ZNF665: variants seen among roughly 807,000 people sequenced by gnomAD.
The protein encoded by ZNF665 is zinc finger protein 665.
ZNF665 carries 6 observed loss-of-function variants against 7.9 expected under a neutral mutation model. The observed-to-expected ratio is 0.76, with a 90% CI of 0.42 to 1.50. The LOEUF (loss-of-function observed/expected upper bound fraction) is 1.50. ZNF665 is among the 40% of genes most tolerant of loss of function. The pLI is 0.01. For missense variants in ZNF665, 819 were observed against 806.7 expected (o/e 1.02, Z -0.18); for synonymous variants, 242 against 274.5 (o/e 0.88, Z 1.17).
rs1427356869 is a variant in ZNF665 at position 53,173,381 on chromosome 19, T to C, written c.142+2064A>G. On this transcript the variant is annotated intron_variant, in intron 3 of 3. Transcript: ENST00000396424. ...CATTTTTTTTTTCACTCTTTTTTTT[T>C]TTTTTTTTTTTTGAGATGGAGTCTC... Among the ~76,000 whole-genome samples, 3 of 141,718 alleles carry C rather than the reference T, an allele frequency of 2.1e-5. No homozygotes were observed. The East Asian group carries it at 6.2e-4, about 29-fold the overall frequency. 93.0% of individuals were successfully genotyped at this position (141,718 alleles called of 152,430 possible).
intron 3 of ZNF665, among the ~76,000 whole-genome samples, chr19:53,171,524 A>ATATATATATATATTTTTTTTTTT (rs372855271): frequency 1.4e-5 from 1 of 69,318 alleles, no homozygotes; most frequent in African/African-American, 5.2e-5. Flanking sequence ...ATATATATAT[A>ATATATATATATATTTTTTTTTTT]TTTTTTTTTT....
chr19:53,180,533 A>G (rs2090730510), intron 2 of ZNF665: 1 of 152,216 alleles, frequency 6.6e-6, no homozygotes, highest in African/African-American at 2.4e-5. Flanking sequence ...AAATGATGGT[A>G]TGTCTTTTAT....
Position 53,164,384 on chromosome 19 carries a change from C to CT in ZNF665, c.*68_*69insA. On this transcript the variant is annotated 3_prime_UTR_variant, in exon 4 of 4. Transcript: ENST00000396424. ...AACTCGAGACCTCAGGTGATCCCCCCGCCTCGGCCTCCCAAAGTGCTGGGA... is the reference window on the plus strand; with the variant it reads ...AACTCGAGACCTCAGGTGATCCCCCCTGCCTCGGCCTCCCAAAGTGCTGGGA... 1 of 1,282,636 alleles carries CT rather than the reference C, an allele frequency of 7.8e-7. No individual in the cohort carries two copies. The highest frequency in any genetic ancestry group is 1.1e-6 in the Non-Finnish European group (1 of 951,850). 79.5% of individuals were successfully genotyped at this position (1,282,636 alleles called of 1,614,324 possible).
rs1327749411 is a variant in ZNF665 at position 53,165,365 on chromosome 19, C to G, written c.1125G>C (p.Lys375Asn). Reference protein sequence around the residue: ...RRIHTGEKPYKCNECGKAFSM... With the variant: ...RRIHTGEKPYNCNECGKAFSM... ...TGAAGGCTTTCCCACACTCATTACA[C>G]TTGTAAGGTTTCTCACCAGTATGAA... The change falls in exon 4 of 4, where the codon AAG becomes AAC. Residue 375 changes from lysine (K) to asparagine (N), a missense_variant. Transcript: ENST00000396424. The G allele has an allele frequency of 6.2e-7, 1 of 1,614,056 alleles. No homozygotes were observed. Among genetic ancestry groups the G allele is most frequent in the African/African-American group, 1.3e-5 (1 of 74,938 alleles).
rs1036329667 is a variant in ZNF665 at position 53,165,768 on chromosome 19, T to A, written c.722A>T (p.Lys241Met). Residue 241 changes from lysine (K) to methionine (M), a missense_variant, in exon 4 of 4, where the codon AAG becomes ATG. By Grantham distance (95) the Lys-to-Met change is moderately conservative. Coordinates refer to ENST00000396424, the MANE Select transcript of ZNF665 (RefSeq NM_024733.5). Reference sequence around the variant, plus strand: ...AAGGTTTGAAGGTTGACTGAAGACCTTTCCACATTCATTACATTTGTAAGG... The same window carrying A: ...AAGGTTTGAAGGTTGACTGAAGACCATTCCACATTCATTACATTTGTAAGG... ...EKPYKCNECG[K>M]VFSQPSNLAG... is the part of the protein sequence containing the mutation. The A allele has an allele frequency of 1.9e-6, 3 of 1,614,182 alleles. No homozygotes were observed. The highest frequency in any genetic ancestry group is 1.7e-6 in the Non-Finnish European group (2 of 1,180,028).
chr19:53,183,128 T>G (rs939499862), intron 1 of ZNF665, among the ~76,000 whole-genome samples, 185 bp from the exon 2 acceptor site: 14 of 152,128 alleles, frequency 9.2e-5, no homozygotes, highest in African/African-American at 3.4e-4. Context: ...GAGAAACTCC[T>G]ACAGGAAAAA....
At chr19:53,166,489 A>G (rs779222707) in intron 3 of ZNF665, 142 bp from the exon 4 acceptor site, 2 of 739,712 alleles carry the variant, frequency 2.7e-6, no homozygotes, top group Non-Finnish European at 4.1e-6. Context: ...ATTTTCCAGA[A>G]CACAAAAGGA....
rs548224815 is a variant in ZNF665 at position 53,180,262 on chromosome 19, G to A, written c.15+2622C>T. On this transcript the variant is annotated intron_variant, in intron 2 of 3. Coordinates refer to ENST00000396424, the MANE Select transcript of ZNF665 (RefSeq NM_024733.5). Reference sequence around the variant, plus strand: ...AGCCTGGCTAACATGGTAAAACCCCGTCTCTACTAAAAATACAAAAATTAG... The same window carrying A: ...AGCCTGGCTAACATGGTAAAACCCCATCTCTACTAAAAATACAAAAATTAG... Among the ~76,000 whole-genome samples, 14 of 151,952 alleles carry A rather than the reference G, an allele frequency of 9.2e-5. No homozygotes were observed. The South Asian group carries it at 2.9e-3, about 32-fold the overall frequency.
chr19:53,175,649 C>T, intron 2 of ZNF665, 78 bp from the exon 3 acceptor site: 2 of 1,505,686 alleles, frequency 1.3e-6, no homozygotes, highest in East Asian at 4.7e-5. Context: ...GAGGAGAGAG[C>T]TGTAAGAATA....
intron 3 of ZNF665, among the ~76,000 whole-genome samples, chr19:53,171,427 A>G (rs1310370022): frequency 1.3e-5 from 2 of 149,088 alleles, no homozygotes; most frequent in Admixed American, 6.7e-5. Context: ...ATGAAATTGT[A>G]TGGCAGTACA....
intron 1 of ZNF665, among the ~76,000 whole-genome samples, chr19:53,192,660 C>T (rs376620191): frequency 2.0e-5 from 3 of 152,190 alleles, no homozygotes; most frequent in Admixed American, 6.5e-5. Flanking sequence ...TCCTGATCCC[C>T]TTGGCCCACA....
At chr19:53,167,460 C>T (rs1599871570) in intron 3 of ZNF665, among the ~76,000 whole-genome samples, 1 of 149,692 alleles carries the variant, frequency 6.7e-6, no homozygotes, top group South Asian at 2.1e-4. Context: ...CAATTTCTCT[C>T]TCTTTTTTTT....
chr19:53,168,784 T>C (rs4803055), intron 3 of ZNF665, among the ~76,000 whole-genome samples: 77,055 of 152,018 alleles, frequency 0.51, 23,148 homozygotes, highest in South Asian at 0.72. Flanking sequence ...AATACTGAAA[T>C]AGACTCACGT....
At chr19:53,184,273 A>G (rs2090760481) in intron 1 of ZNF665, among the ~76,000 whole-genome samples, 1 of 152,134 alleles carries the variant, frequency 6.6e-6, no homozygotes, top group Admixed American at 6.5e-5. Flanking sequence ...AGAAGAAATA[A>G]TAAATAATTT....
intron 3 of ZNF665, among the ~76,000 whole-genome samples, chr19:53,172,400 C>A (rs1256684630): frequency 6.6e-6 from 1 of 152,118 alleles, no homozygotes; most frequent in East Asian, 1.9e-4. Flanking sequence ...TGTATGAGAA[C>A]CCCCAGTCTC....
rs12459469 is a variant in ZNF665 at position 53,164,660 on chromosome 19, A to G, written c.1830T>C (p.Asn610=). The change falls in exon 4 of 4, where the codon AAT becomes AAC. Residue 610 remains asparagine, a synonymous_variant. Transcript: ENST00000396424. ...TTCTTCTATGATTTGCAAGATGTGA[A>G]TTTTGAGTGAAGACCTTGCCACATT... ...CNECGKVFTQ[N]SHLANHRRIH... is the part of the protein sequence containing the mutation. 0.61 allele frequency: 979,351 copies of G among 1,613,498 alleles called. 305,532 individuals carry two copies. The highest frequency in any genetic ancestry group is 0.72 in the South Asian group (65,129 of 91,054).
intron 3 of ZNF665, among the ~76,000 whole-genome samples, chr19:53,172,741 CT>C (rs1402535117): frequency 2.0e-5 from 3 of 149,220 alleles, no homozygotes; most frequent in Admixed American, 1.4e-4. Context: ...AGGAGAATCA[CT>C]TGAACCTGGG....
chr19:53,164,297 C>A lies in ZNF665; in HGVS notation c.*156G>T, dbSNP rs146632398. 7.9e-3 allele frequency: 4,646 copies of A among 590,924 alleles called. 30 individuals are homozygous for A. Among genetic ancestry groups the A allele is most frequent in the Non-Finnish European group, 0.011 (3,756 of 349,918 alleles). 36.6% of individuals were successfully genotyped at this position (590,924 alleles called of 1,614,324 possible). On this transcript the variant is annotated 3_prime_UTR_variant, in exon 4 of 4. Transcript: ENST00000396424. ...GGATTACAGGCGTGCACCACCACAC[C>A]CAGCTAATTTTTGTATTTTTAGTAG...
chr19:53,185,500 G>C (rs1344430487), intron 1 of ZNF665, among the ~76,000 whole-genome samples: 1 of 152,046 alleles, frequency 6.6e-6, no homozygotes, highest in Admixed American at 6.5e-5. Flanking sequence ...AATGATTAAT[G>C]ATATTCATAT....
Sources: allele counts gnomAD v4.1 joint callset (sites outside exome capture counted in the v4.1 genomes callset), GRCh38; gene constraint gnomAD v4.1.1; transcripts MANE v1.5; gene names NCBI Gene and HGNC (gene_info 2026-07-23, HGNC 2026-07-21).